Variants in PHF6 observed in about 807,000 individuals in gnomAD.
PHF6 encodes PHD-like zinc finger protein.
PHF6 carries 7 observed loss-of-function variants against 34.0 expected under a neutral mutation model. That is an observed-to-expected ratio of 0.21 (90% CI 0.12 to 0.39). PHF6 has a LOEUF of 0.39. PHF6 is among the 10% of genes least tolerant of loss of function. PHF6 has a pLI of 1.00. For missense variants in PHF6, 128 were observed against 262.8 expected (o/e 0.49, Z 3.55); for synonymous variants, 89 against 88.4 (o/e 1.01, Z -0.04).
At chrX:134,411,753 G>A (rs2077451804) in intron 5 of PHF6, among the ~76,000 whole-genome samples, 1 of 110,933 alleles carries the variant, frequency 9.0e-6, no homozygotes, top group Non-Finnish European at 1.9e-5. Context: ...TCTTTTTTGA[G>A]ATGGAATCTT....
At chrX:134,394,841 G>A (rs1220572414) in intron 5 of PHF6, among the ~76,000 whole-genome samples, 1 of 101,708 alleles carries the variant, frequency 9.8e-6, no homozygotes, top group Non-Finnish European at 2.0e-5. Context: ...GCCCGGCCTC[G>A]TTTCTTTTCT....
At chrX:134,375,884 T>G (rs1236902421) in intron 1 of PHF6, among the ~76,000 whole-genome samples, 1 of 112,198 alleles carries the variant, frequency 8.9e-6, no homozygotes, top group Non-Finnish European at 1.9e-5. Flanking sequence ...TTCTCTGTTA[T>G]GTCCTTTTTT....
rs762048465 is a variant in PHF6, at chrX:134,373,475, C to T, written c.-47+8C>T. The T allele has an allele frequency of 5.0e-4, 56 of 112,544 alleles. 1 individual carries two copies. The highest frequency in any genetic ancestry group is 1.8e-3 in the African/African-American group (55 of 31,027). The allele number at this position is 112,544 out of a possible 1,213,427, so 9.3% of individuals were successfully genotyped here. On this transcript the variant is annotated splice_region_variant and intron_variant, in intron 1 of 10. Transcript: ENST00000370803. The stretch of plus-strand genomic sequence containing the variant: ...CGCCTCTGGGCCCTGCCGGTGAGTC[C>T]CCACGGAACCCTGGGGCCCCCCATT...
At chrX:134,422,336 T>C (rs1276987562) in intron 9 of PHF6, among the ~76,000 whole-genome samples, 1 of 112,322 alleles carries the variant, frequency 8.9e-6, no homozygotes, top group African/African-American at 3.2e-5. Context: ...TAGACAACCA[T>C]ATTTCAGTGA....
chrX:134,382,212 G>A (rs151195346), intron 3 of PHF6, among the ~76,000 whole-genome samples: 4 of 111,879 alleles, frequency 3.6e-5, no homozygotes, highest in Non-Finnish European at 7.5e-5. Context: ...CCTTTACACG[G>A]TCTTTAATTA....
Position 134,420,068 on chromosome X carries a change from A to G in PHF6, c.968+2766A>G, listed in dbSNP as rs764719795. ...GTGGCACACGCCTGTAGCCCCAGCT[A>G]TACAGGAGGCCCAGACTGGAGGATT... is the stretch of plus-strand genomic sequence containing the variant. On this transcript the variant is annotated intron_variant, in intron 9 of 10. Coordinates refer to ENST00000370803, the MANE Select transcript of PHF6 (RefSeq NM_001015877.2). 7 of 111,311 alleles carry G rather than the reference A, an allele frequency of 6.3e-5. No individual in the cohort carries two copies. In the East Asian group the frequency reaches 8.5e-4, roughly 14 times the overall value. The allele number at this position is 111,311 out of a possible 1,213,427, so 9.2% of individuals were successfully genotyped here.
At chrX:134,390,044 GATA>G (rs2077346717) in intron 3 of PHF6, among the ~76,000 whole-genome samples, 3 of 111,435 alleles carry the variant, frequency 2.7e-5, no homozygotes, top group Non-Finnish European at 5.6e-5. Context: ...GGAGTAAAAT[GATA>G]AGAGCCAAAA....
chrX:134,415,227 T>C (rs1212168709), intron 8 of PHF6, 107 bp downstream of exon 8: 23 of 1,166,343 alleles, frequency 2.0e-5, no homozygotes, highest in Non-Finnish European at 2.6e-5. Flanking sequence ...AAGTAGTTCG[T>C]ATGTTAAAGC....
intron 1 of PHF6, 21 bp from the exon 2 acceptor site, chrX:134,377,551 C>T (rs1045648606): frequency 1.6e-5 from 17 of 1,057,006 alleles, no homozygotes; most frequent in African/African-American, 1.5e-4. Flanking sequence ...TTAACATTGT[C>T]GCCCTTCTTA....
chrX:134,425,524 AAAC>A (rs2077505181), intron 10 of PHF6, 134 bp from the exon 11 acceptor site: 1 of 446,796 alleles, frequency 2.2e-6, no homozygotes, highest in East Asian at 3.9e-5. Context: ...GTAACCATAA[AAAC>A]AAGCTATCTG....
chrX:134,390,946 ATTTTTC>A (rs1376925159), intron 3 of PHF6, among the ~76,000 whole-genome samples: 1 of 85,732 alleles, frequency 1.2e-5, no homozygotes, highest in Non-Finnish European at 2.4e-5. Context: ...TTATTTAAAC[ATTTTTC>A]TTTTTCTTTT....
chrX:134,425,402 G>A, intron 10 of PHF6, 72 bp downstream of exon 10: 4 of 1,122,035 alleles, frequency 3.6e-6, no homozygotes, highest in Middle Eastern at 2.9e-4. Flanking sequence ...TTGAAGTAAT[G>A]GTATGCAGTA....
At chrX:134,425,073 G>A (rs1218072883) in intron 9 of PHF6, 128 bp from the exon 10 acceptor site, 21 of 777,633 alleles carry the variant, frequency 2.7e-5, no homozygotes, top group Non-Finnish European at 3.9e-5. Flanking sequence ...TAATTGGGGA[G>A]TATTTTTTAA....
At chrX:134,388,857 C>T (rs1245090119) in intron 3 of PHF6, among the ~76,000 whole-genome samples, 3 of 111,989 alleles carry the variant, frequency 2.7e-5, no homozygotes, top group African/African-American at 6.5e-5. Context: ...GGCTCCTACC[C>T]GACATTAGCT....
At chrX:134,378,226 C>A in intron 3 of PHF6, 120 bp downstream of exon 3, 1 of 328,493 alleles carries the variant, frequency 3.0e-6, no homozygotes, top group Non-Finnish European at 5.0e-6. Flanking sequence ...GCAGGCTTTT[C>A]TTTTTTTTTT....
Position 134,427,424 on chromosome X carries a change from A to G in PHF6, c.*1764A>G, listed in dbSNP as rs2124263487. The G allele has an allele frequency of 6.3e-6, 1 of 158,104 alleles. No individual in the cohort carries two copies. 13.0% of individuals were successfully genotyped at this position (158,104 alleles called of 1,213,427 possible). ...TCACTGTGTCTAGATCATTTTTTAC[A>G]TTGTGTGCCATAGACTTACCCATGG... On this transcript the variant is annotated 3_prime_UTR_variant, in exon 11 of 11. Transcript: ENST00000370803.
intron 9 of PHF6, among the ~76,000 whole-genome samples, chrX:134,422,761 TGACAGCAGG>T (rs965901055): frequency 7.2e-5 from 8 of 111,824 alleles, no homozygotes; most frequent in African/African-American, 2.3e-4. Context: ...TGGAGTTCTG[TGACAGCAGG>T]GACCTTGTTT....
chrX:134,388,857 C>G (rs1245090119), intron 3 of PHF6, among the ~76,000 whole-genome samples: 2 of 111,989 alleles, frequency 1.8e-5, no homozygotes, highest in Non-Finnish European at 3.8e-5. Flanking sequence ...GGCTCCTACC[C>G]GACATTAGCT....
Position 134,380,483 on chromosome X carries a change from TA to T in PHF6, c.240+2380del, listed in dbSNP as rs765242864. ...GAACTTTGTATGAGTTTTACTATTA[TA>T]AATTGTTTTGATTAATTTTTAGTGT... On this transcript the variant is annotated intron_variant, in intron 3 of 10. Coordinates refer to ENST00000370803, the MANE Select transcript of PHF6 (RefSeq NM_001015877.2). 1.6e-4 allele frequency among the ~76,000 whole-genome samples: 18 copies of T among 111,978 alleles called. No homozygotes were observed. The East Asian group carries it at 3.9e-3, about 24-fold the overall frequency.
Sources: allele counts gnomAD v4.1 joint callset (sites outside exome capture counted in the v4.1 genomes callset), GRCh38; gene constraint gnomAD v4.1.1; transcripts MANE v1.5; gene names NCBI Gene and HGNC (gene_info 2026-07-23, HGNC 2026-07-21).